The following PTPRK variants were observed in gnomAD, a reference collection of about 807,000 sequenced individuals.
PTPRK encodes receptor-type tyrosine-protein phosphatase kappa.
A neutral mutation model predicts 178.0 loss-of-function variants in PTPRK; 75 were observed. The ratio of observed to expected loss-of-function variants is 0.42; its 90% CI spans 0.35 to 0.51. PTPRK has a LOEUF of 0.51. Ranked by LOEUF, PTPRK falls within the 20% of genes least tolerant of loss-of-function variation. The pLI, the probability that PTPRK is intolerant of heterozygous loss-of-function variation, is 0.02. For missense variants in PTPRK, 1,441 were observed against 1,797.8 expected, an observed-to-expected ratio of 0.80 and a Z score of 3.59; for synonymous variants, 637 against 620.6, an observed-to-expected ratio of 1.03 and a Z score of -0.39.
intron 11 of PTPRK, among the ~76,000 whole-genome samples, chr6:128,072,316 C>T (rs1003480806): frequency 2.6e-5 from 4 of 151,730 alleles, no homozygotes; most frequent in South Asian, 4.1e-4. Context: ...GGTTATGTCC[C>T]AATAAACCCA....
chr6:128,115,923 C>A (rs1247508426), intron 7 of PTPRK, among the ~76,000 whole-genome samples: 1 of 152,068 alleles, frequency 6.6e-6, no homozygotes, highest in Non-Finnish European at 1.5e-5. Flanking sequence ...TCTGCAAAAT[C>A]AACACACAGA....
At chr6:128,474,014 C>T (rs957278650) in intron 1 of PTPRK, among the ~76,000 whole-genome samples, 1 of 152,020 alleles carries the variant, frequency 6.6e-6, no homozygotes, top group African/African-American at 2.4e-5. Context: ...GATCTTCATG[C>T]AATAACCACT....
At chr6:128,003,386 A>G (rs1778061026) in intron 15 of PTPRK, among the ~76,000 whole-genome samples, 1 of 151,776 alleles carries the variant, frequency 6.6e-6, no homozygotes, top group Non-Finnish European at 1.5e-5. Flanking sequence ...TTTCTCTCTC[A>G]GCTTGGGTTA....
At chr6:128,507,512 C>T (rs950880983) in intron 1 of PTPRK, among the ~76,000 whole-genome samples, 25 of 152,076 alleles carry the variant, frequency 1.6e-4, no homozygotes, top group African/African-American at 6.0e-4. Context: ...GATGCAGGTG[C>T]CAGGGCAATT....
chr6:128,319,154 T>C (rs1225005642), intron 3 of PTPRK, among the ~76,000 whole-genome samples: 1 of 152,180 alleles, frequency 6.6e-6, no homozygotes, highest in East Asian at 1.9e-4. Flanking sequence ...CATCTAGGAA[T>C]AGAGGAATCG....
intron 7 of PTPRK, among the ~76,000 whole-genome samples, chr6:128,101,233 A>G (rs1162858438): frequency 6.6e-6 from 1 of 152,070 alleles, no homozygotes; most frequent in East Asian, 1.9e-4. Flanking sequence ...CCAAATCTAA[A>G]TTACCAGTTC....
chr6:128,400,757 A>AG lies in PTPRK; in HGVS notation c.101-3070dup, dbSNP rs1307706060. On this transcript the variant is annotated intron_variant, in intron 1 of 29. Transcript: ENST00000368226. Reference sequence around the variant, plus strand: ...ACGTGGTCCTCAATACATGTTCTTGAGTTCAAGACATCTTTATGTATAGTA... The same window carrying AG: ...ACGTGGTCCTCAATACATGTTCTTGAGGTTCAAGACATCTTTATGTATAGTA... Among the ~76,000 whole-genome samples the AG allele has an allele frequency of 2.6e-5, 4 of 152,188 alleles. No homozygotes were observed. The East Asian group carries it at 7.7e-4, about 29-fold the overall frequency.
chr6:128,017,723 C>T (rs1281661566), intron 13 of PTPRK, among the ~76,000 whole-genome samples: 2 of 143,060 alleles, frequency 1.4e-5, no homozygotes, highest in Non-Finnish European at 3.0e-5. Flanking sequence ...TTCTCTCTCT[C>T]TCTCTCTATA....
chr6:127,973,894 C>T (rs2114606443), intron 27 of PTPRK, 67 bp from the exon 28 acceptor site: 1 of 1,459,520 alleles, frequency 6.9e-7, no homozygotes, highest in Non-Finnish European at 9.3e-7. Flanking sequence ...GTAAAAGGTG[C>T]ATATAATTTA....
chr6:128,192,733 C>T (rs2128252602), intron 6 of PTPRK, among the ~76,000 whole-genome samples: 1 of 151,600 alleles, frequency 6.6e-6, no homozygotes. Flanking sequence ...GGAAGATCAC[C>T]TGAGCCTGGG....
intron 13 of PTPRK, among the ~76,000 whole-genome samples, chr6:128,039,249 T>C (rs754217934): frequency 1.3e-5 from 2 of 152,162 alleles, no homozygotes; most frequent in African/African-American, 2.4e-5. Context: ...TATGGAATAC[T>C]TATATTTTCT....
At chr6:128,492,552 A>G (rs1355855567) in intron 1 of PTPRK, among the ~76,000 whole-genome samples, 1 of 152,156 alleles carries the variant, frequency 6.6e-6, no homozygotes, top group Non-Finnish European at 1.5e-5. Flanking sequence ...ATATGGCCCC[A>G]AGAGAAGCTG....
intron 1 of PTPRK, among the ~76,000 whole-genome samples, chr6:128,427,093 T>C (rs1844234863): frequency 6.6e-6 from 1 of 152,186 alleles, no homozygotes; most frequent in African/African-American, 2.4e-5. Flanking sequence ...CAGGCACATG[T>C]TAAAGGTGTG....
intron 13 of PTPRK, among the ~76,000 whole-genome samples, chr6:128,034,122 C>T (rs557490851): frequency 6.6e-6 from 1 of 152,296 alleles, no homozygotes; most frequent in East Asian, 1.9e-4. Context: ...CTAAACCGTT[C>T]TCAAACTTAC....
chr6:128,369,072 C>T (rs1163183300), intron 2 of PTPRK, among the ~76,000 whole-genome samples: 3 of 152,052 alleles, frequency 2.0e-5, no homozygotes, highest in African/African-American at 4.8e-5. Context: ...TAAATTCTAC[C>T]ATCACTTCAC....
At chr6:128,492,790 C>A (rs1854016196) in intron 1 of PTPRK, among the ~76,000 whole-genome samples, 1 of 152,158 alleles carries the variant, frequency 6.6e-6, no homozygotes, top group African/African-American at 2.4e-5. Flanking sequence ...CTCCATCTCC[C>A]AATCTTTGCA....
chr6:128,001,101 G>A lies in PTPRK; in HGVS notation c.2495-2197C>T, dbSNP rs552704245. The A allele has an allele frequency of 9.0e-5, 89 of 987,524 alleles. 1 individual carries two copies. Among genetic ancestry groups the A allele is most frequent in the Middle Eastern group, 3.0e-4 (1 of 3,310 alleles). 61.2% of individuals were successfully genotyped at this position (987,524 alleles called of 1,614,324 possible). On this transcript the variant is annotated intron_variant, in intron 15 of 29. Coordinates refer to ENST00000368226, the MANE Select transcript of PTPRK (RefSeq NM_002844.4). The stretch of plus-strand genomic sequence containing the variant: ...AATGTGACTAGTAGTGAGGGTACAC[G>A]TACTAATCATTATCCTTATTATACA...
intron 13 of PTPRK, among the ~76,000 whole-genome samples, chr6:128,057,645 C>T (rs1780124689): frequency 6.6e-6 from 1 of 152,142 alleles, no homozygotes; most frequent in Non-Finnish European, 1.5e-5. Context: ...TGGAAGCTTG[C>T]ACCTGGCTTC....
At chr6:128,410,058 T>A (rs1842124440) in intron 1 of PTPRK, among the ~76,000 whole-genome samples, 1 of 152,170 alleles carries the variant, frequency 6.6e-6, no homozygotes, top group South Asian at 2.1e-4. Context: ...TTAATTTTAG[T>A]CTACGATTTG....
Sources: allele counts gnomAD v4.1 joint callset (sites outside exome capture counted in the v4.1 genomes callset), GRCh38; gene constraint gnomAD v4.1.1; transcripts MANE v1.5; gene names NCBI Gene and HGNC (gene_info 2026-07-23, HGNC 2026-07-21).